The following PCDH9 variants were observed in gnomAD, a reference collection of about 807,000 sequenced individuals.
The protein encoded by PCDH9 is protocadherin-9.
PCDH9 carries 24 observed loss-of-function variants against 70.6 expected under a neutral mutation model. The observed-to-expected ratio is 0.34, with a 90% CI of 0.25 to 0.48. The LOEUF (loss-of-function observed/expected upper bound fraction) is 0.48. PCDH9 is among the 20% of genes least tolerant of loss of function. PCDH9 has a pLI of 0.99. For synonymous variants in PCDH9, 562 were observed against 558.5 expected (o/e 1.01, Z -0.09); for missense variants, 1,281 against 1,503.6 (o/e 0.85, Z 2.45).
intron 3 of PCDH9, among the ~76,000 whole-genome samples, chr13:66,783,040 T>C (rs895258399): frequency 1.3e-5 from 2 of 152,134 alleles, no homozygotes; most frequent in African/African-American, 4.8e-5. Context: ...AGCAGCTCCA[T>C]AGGCCGTTTA....
In PCDH9 at chr13:67,226,885, C is replaced by T. The variant is rs768595393; in HGVS notation, c.1556G>A (p.Arg519Gln). The change falls in exon 2 of 5, where the codon CGA becomes CAA. Residue 519 changes from arginine to glutamine, a missense_variant. Transcript: ENST00000377865. This position sits in a 1 kb window ranked among gnomAD's most constrained non-coding sequence, Gnocchi z 5.0. ...GPNASFFDLD[R>Q]KTGVLTASRV... is the part of the protein sequence containing the mutation. ...GGAGGCTGTCAAAACTCCTGTTTTT[C>T]GGTCCAGATCAAAGAAGGAGGCATT... The T allele has an allele frequency of 1.7e-5, 28 of 1,613,996 alleles. No homozygotes were observed. Among genetic ancestry groups the T allele is most frequent in the Admixed American group, 1.0e-4 (6 of 59,996 alleles).
chr13:67,105,072 C>G (rs1414269899), intron 2 of PCDH9, among the ~76,000 whole-genome samples: 1 of 152,118 alleles, frequency 6.6e-6, no homozygotes, highest in Non-Finnish European at 1.5e-5. Flanking sequence ...GCCACTAACA[C>G]TCTTTCAAGA....
chr13:66,396,898 C>A (rs1215736055), intron 4 of PCDH9, among the ~76,000 whole-genome samples: 3 of 152,084 alleles, frequency 2.0e-5, no homozygotes, highest in Non-Finnish European at 4.4e-5. Context: ...GTGGATCTTT[C>A]ATTTGTCTTA....
chr13:66,836,592 T>G (rs1209794414), intron 3 of PCDH9, among the ~76,000 whole-genome samples: 2 of 152,178 alleles, frequency 1.3e-5, no homozygotes, highest in African/African-American at 4.8e-5. Flanking sequence ...CACTAAGCAG[T>G]AATTTTTACT....
intron 3 of PCDH9, among the ~76,000 whole-genome samples, chr13:66,860,935 G>T (rs1291683377): frequency 6.6e-6 from 1 of 152,144 alleles, no homozygotes; most frequent in Non-Finnish European, 1.5e-5. Context: ...ACCCCTAAAG[G>T]AAATCATGAC....
chr13:66,310,728 A>G (rs2138062963), intron 4 of PCDH9, among the ~76,000 whole-genome samples: 1 of 152,210 alleles, frequency 6.6e-6, no homozygotes, highest in South Asian at 2.1e-4. Context: ...GTTTAAACCG[A>G]CTGCCAAAAT....
intron 2 of PCDH9, among the ~76,000 whole-genome samples, chr13:67,090,699 A>G (rs1365912993): frequency 6.6e-6 from 1 of 152,064 alleles, no homozygotes; most frequent in Non-Finnish European, 1.5e-5. Context: ...ATCATTAAGC[A>G]TATCAGAAAA....
chr13:66,820,877 T>C (rs1324414130), intron 3 of PCDH9, among the ~76,000 whole-genome samples: 1 of 152,010 alleles, frequency 6.6e-6, no homozygotes, highest in African/African-American at 2.4e-5. Context: ...TTACGAAAAA[T>C]AACTAATGGG....
intron 2 of PCDH9, among the ~76,000 whole-genome samples, chr13:67,089,402 G>GT (rs1449776598): frequency 4.6e-5 from 7 of 151,882 alleles, no homozygotes; most frequent in Admixed American, 6.6e-5. Context: ...CTGAAGTAGC[G>GT]TAAGACTCCA....
At chr13:66,591,356 A>G (rs1478903989) in intron 4 of PCDH9, among the ~76,000 whole-genome samples, 1 of 151,554 alleles carries the variant, frequency 6.6e-6, no homozygotes, top group African/African-American at 2.4e-5. Flanking sequence ...TCAAATCTGG[A>G]TTTTTCTAAT....
At chr13:66,692,165 T>C (rs186134220) in intron 3 of PCDH9, among the ~76,000 whole-genome samples, 64 of 152,250 alleles carry the variant, frequency 4.2e-4, no homozygotes, top group African/African-American at 1.4e-3. Context: ...TCAATTTACC[T>C]CCATGTTATG....
chr13:67,184,109 T>G (rs923659933), intron 2 of PCDH9, among the ~76,000 whole-genome samples: 1 of 152,132 alleles, frequency 6.6e-6, no homozygotes, highest in Non-Finnish European at 1.5e-5. Flanking sequence ...GCGCAAAAAA[T>G]AAAGAGAATA....
chr13:66,808,421 A>C (rs1239970181), intron 3 of PCDH9, among the ~76,000 whole-genome samples: 1 of 152,216 alleles, frequency 6.6e-6, no homozygotes, highest in Non-Finnish European at 1.5e-5. Flanking sequence ...TACAAGATAT[A>C]TATTTTTTAC....
chr13:66,738,601 T>G (rs1375628972), intron 3 of PCDH9, among the ~76,000 whole-genome samples: 1 of 133,986 alleles, frequency 7.5e-6, no homozygotes, highest in Non-Finnish European at 1.6e-5. Flanking sequence ...TGAAAAAAAT[T>G]TAGAAGAATG....
intron 4 of PCDH9, among the ~76,000 whole-genome samples, chr13:66,391,883 C>CATATATATATATATATATATAT (rs140840857): frequency 2.9e-4 from 41 of 143,242 alleles, no homozygotes; most frequent in African/African-American, 9.9e-4. Context: ...GCCATATATG[C>CATATATATATATATATATATAT]ATATATATAT....
intron 2 of PCDH9, among the ~76,000 whole-genome samples, chr13:66,957,862 T>G (rs1215856209): frequency 6.6e-6 from 1 of 152,218 alleles, no homozygotes; most frequent in African/African-American, 2.4e-5. Flanking sequence ...GTCTGTGGTA[T>G]TTTGTTTTGG....
chr13:66,306,635 T>A (rs1304951262), intron 4 of PCDH9, among the ~76,000 whole-genome samples: 1 of 151,826 alleles, frequency 6.6e-6, no homozygotes, highest in African/African-American at 2.4e-5. Flanking sequence ...ATTTTTTTTA[T>A]ATCTAAAAGT....
chr13:66,858,397 A>T (rs2081429289), intron 3 of PCDH9, among the ~76,000 whole-genome samples: 1 of 152,176 alleles, frequency 6.6e-6, no homozygotes. Flanking sequence ...GTTAGATGAC[A>T]TACAAGGTTA....
At chr13:66,856,454 T>TG (rs2081396301) in intron 3 of PCDH9, among the ~76,000 whole-genome samples, 1 of 152,064 alleles carries the variant, frequency 6.6e-6, no homozygotes, top group Non-Finnish European at 1.5e-5. Flanking sequence ...ATAAATAACT[T>TG]ATTTTGAAAA....
Sources: allele counts gnomAD v4.1 joint callset (sites outside exome capture counted in the v4.1 genomes callset), GRCh38; gene constraint gnomAD v4.1.1; non-coding constraint Gnocchi (gnomAD v3.1); transcripts MANE v1.5; gene names NCBI Gene and HGNC (gene_info 2026-07-23, HGNC 2026-07-21).